The following PLPP3 variants were observed in gnomAD, a reference collection of about 807,000 sequenced individuals.
PLPP3 encodes PAP2 beta.
PLPP3 carries 6 observed loss-of-function variants against 29.6 expected under a neutral mutation model. That is an observed-to-expected ratio of 0.20 (90% confidence interval 0.11 to 0.40). The LOEUF is 0.40. Ranked by LOEUF, PLPP3 falls within the 10% of genes least tolerant of loss-of-function variation. The probability of loss-of-function intolerance (pLI) is 1.00; values close to 1 mark genes in which losing one functional copy is unlikely to be tolerated. For missense variants in PLPP3, 308 were observed against 407.7 expected, an observed-to-expected ratio of 0.76 and a Z score of 2.11; for synonymous variants, 152 against 159.7, an observed-to-expected ratio of 0.95 and a Z score of 0.36.
At chr1:56,533,553 T>C (rs1645904842) in intron 2 of PLPP3, among the ~76,000 whole-genome samples, 2 of 152,116 alleles carry the variant, frequency 1.3e-5, no homozygotes, top group South Asian at 4.1e-4. Context: ...AGTCACTTAA[T>C]ATCCTTGAGC....
chr1:56,527,183 G>A (rs1645858020), intron 2 of PLPP3, among the ~76,000 whole-genome samples: 1 of 152,154 alleles, frequency 6.6e-6, no homozygotes, highest in Non-Finnish European at 1.5e-5. Context: ...TAGTGTCACA[G>A]TCTTAAGATA....
At chr1:56,530,110 C>CT (rs77142253) in intron 2 of PLPP3, among the ~76,000 whole-genome samples, 3,215 of 142,420 alleles carry the variant, frequency 0.023, 91 homozygotes, top group African/African-American at 0.068. Flanking sequence ...ACCTCTTACT[C>CT]TTTTTTTTTT....
intron 5 of PLPP3, among the ~76,000 whole-genome samples, chr1:56,504,797 C>T (rs1450678249): frequency 6.6e-6 from 1 of 152,084 alleles, no homozygotes; most frequent in Non-Finnish European, 1.5e-5. Flanking sequence ...AAGAATTAAT[C>T]ACCCCTTCTC....
At chr1:56,499,733 A>G (rs967673527) in intron 5 of PLPP3, among the ~76,000 whole-genome samples, 2 of 152,222 alleles carry the variant, frequency 1.3e-5, no homozygotes, top group Admixed American at 1.3e-4. Flanking sequence ...ACGAAACGTA[A>G]TACTGTCAAG....
chr1:56,574,330 G>C (rs1646220660), intron 1 of PLPP3, among the ~76,000 whole-genome samples: 1 of 152,108 alleles, frequency 6.6e-6, no homozygotes, highest in East Asian at 1.9e-4. Flanking sequence ...GCTCACTGCA[G>C]CCTCCAACTC....
intron 1 of PLPP3, among the ~76,000 whole-genome samples, chr1:56,569,781 AAC>A (rs1198284628): frequency 6.6e-6 from 1 of 152,068 alleles, no homozygotes; most frequent in Non-Finnish European, 1.5e-5. Flanking sequence ...GCACAGTGCA[AAC>A]ACACAATATT....
chr1:56,521,096 G>A (rs918838410), intron 4 of PLPP3, among the ~76,000 whole-genome samples: 1 of 151,482 alleles, frequency 6.6e-6, no homozygotes, highest in Non-Finnish European at 1.5e-5. Context: ...TTAGCTGGGT[G>A]TGGTGGCATG....
In PLPP3 at chr1:56,565,285, CAAA is replaced by C. The variant is rs146459951; in HGVS notation, c.139+13590_139+13592del. Among the ~76,000 whole-genome samples the C allele has an allele frequency of 9.2e-3, 1,397 of 152,230 alleles. 22 individuals are homozygous for C. Among genetic ancestry groups the C allele is most frequent in the African/African-American group, 0.032 (1,347 of 41,514 alleles). ...TCCGCAGCCACTAACCAGAGAAGCT[CAAA>C]ATCTTTCAATGTGACTTAAAGGTTA... On this transcript the variant is annotated intron_variant, in intron 1 of 5. Transcript: ENST00000371250.
At chr1:56,538,402 A>T in intron 1 of PLPP3, 1 of 351,920 alleles carries the variant, frequency 2.8e-6, no homozygotes, top group Non-Finnish European at 5.7e-6. Context: ...GACCACCAAA[A>T]ACACAGTGGC....
intron 4 of PLPP3, chr1:56,513,774 G>C (rs1645762472): frequency 6.6e-6 from 1 of 151,286 alleles, no homozygotes; most frequent in South Asian, 2.1e-4. Flanking sequence ...TGCTAAACAA[G>C]GGATAAAAAC....
At chr1:56,549,145 AAGGT>A (rs1460258602) in intron 1 of PLPP3, among the ~76,000 whole-genome samples, 1 of 152,236 alleles carries the variant, frequency 6.6e-6, no homozygotes, top group East Asian at 1.9e-4. Flanking sequence ...CTTGGGAAAA[AAGGT>A]TTCTACTTTA....
At chr1:56,533,669 T>TGTTGTAC (rs1206057472) in intron 2 of PLPP3, among the ~76,000 whole-genome samples, 2 of 152,160 alleles carry the variant, frequency 1.3e-5, no homozygotes, top group African/African-American at 4.8e-5. Flanking sequence ...ACTACAGACA[T>TGTTGTAC]ATGAAGGATG....
intron 1 of PLPP3, among the ~76,000 whole-genome samples, chr1:56,537,418 A>G (rs1645936161): frequency 6.6e-6 from 1 of 152,156 alleles, no homozygotes; most frequent in African/African-American, 2.4e-5. Flanking sequence ...ACCCTGCTAA[A>G]AATTAAAGCC....
chr1:56,550,801 T>A (rs1273939943), intron 1 of PLPP3, among the ~76,000 whole-genome samples: 1 of 149,982 alleles, frequency 6.7e-6, no homozygotes. Context: ...GGTATTGCCA[T>A]GACAGCTGCC....
intron 1 of PLPP3, among the ~76,000 whole-genome samples, chr1:56,539,067 A>AC (rs961196199): frequency 2.6e-5 from 4 of 151,484 alleles, no homozygotes; most frequent in African/African-American, 9.7e-5. Context: ...AAGCACTACC[A>AC]CCCATCTTCA....
Position 56,518,495 on chromosome 1 carries a change from T to C in PLPP3, c.633+5328A>G, listed in dbSNP as rs532288448. 4.6e-5 allele frequency among the ~76,000 whole-genome samples: 7 copies of C among 152,234 alleles called. No individual in the cohort carries two copies. In the South Asian group the frequency reaches 1.0e-3, roughly 23 times the overall value. On this transcript the variant is annotated intron_variant, in intron 4 of 5. Transcript: ENST00000371250. ...TACATTACACAGGCCCTTAGCAATC[T>C]ATCAAGTCCGTGATGAGGAGACAAA...
intron 2 of PLPP3, among the ~76,000 whole-genome samples, chr1:56,529,258 GCTTC>G: frequency 6.6e-6 from 1 of 152,086 alleles, no homozygotes; most frequent in Non-Finnish European, 1.5e-5. Context: ...TGAAGCTGGG[GCTTC>G]CTCCTTCTAA....
chr1:56,567,261 G>A (rs1646166920), intron 1 of PLPP3, among the ~76,000 whole-genome samples: 1 of 152,072 alleles, frequency 6.6e-6, no homozygotes, highest in Non-Finnish European at 1.5e-5. Context: ...GATTCAAAAC[G>A]TGTTTCTTTG....
chr1:56,579,282 C>T lies in PLPP3; in HGVS notation c.-266G>A, dbSNP rs1001865300. The T allele has an allele frequency of 7.0e-6, 3 of 428,368 alleles. No homozygotes were observed. Among genetic ancestry groups the T allele is most frequent in the African/African-American group, 6.4e-5 (3 of 46,714 alleles). 26.5% of individuals were successfully genotyped at this position (428,368 alleles called of 1,614,324 possible). On this transcript the variant is annotated 5_prime_UTR_variant, in exon 1 of 6. Transcript: ENST00000371250. ...GTCCAAGGGGAAGAGAGCCAGATCCCGAGCAGAAACTTTTGCAGAGCTGCG... is the reference window on the plus strand; with the variant it reads ...GTCCAAGGGGAAGAGAGCCAGATCCTGAGCAGAAACTTTTGCAGAGCTGCG...
Sources: allele counts gnomAD v4.1 joint callset (sites outside exome capture counted in the v4.1 genomes callset), GRCh38; gene constraint gnomAD v4.1.1; transcripts MANE v1.5; gene names NCBI Gene and HGNC (gene_info 2026-07-23, HGNC 2026-07-21).